The following ELOVL6 variants were observed in gnomAD, a reference collection of about 807,000 sequenced individuals.
The protein encoded by ELOVL6 is ELOVL fatty acid elongase 6.
Under a neutral mutation model 31.7 loss-of-function variants are expected in ELOVL6, and 8 were observed. That is an observed-to-expected ratio of 0.25 (90% CI 0.15 to 0.45). The LOEUF is 0.45. ELOVL6 is among the 20% of genes least tolerant of loss of function. The pLI is 1.00. For missense variants in ELOVL6, 126 were observed against 326.4 expected, an observed-to-expected ratio of 0.39 and a Z score of 4.73; for synonymous variants, 101 against 117.7, an observed-to-expected ratio of 0.86 and a Z score of 0.92.
intron 2 of ELOVL6, among the ~76,000 whole-genome samples, chr4:110,065,136 A>G (rs964800888): frequency 6.6e-6 from 1 of 152,248 alleles, no homozygotes; most frequent in Non-Finnish European, 1.5e-5. Flanking sequence ...AGTGGCACTG[A>G]AGAGCTGAAG....
At chr4:110,117,903 A>AAAAAAAAATATATATATATATATATAT in intron 1 of ELOVL6, 1 of 6,504 alleles carries the variant, frequency 1.5e-4, no homozygotes, top group African/African-American at 3.3e-4. Context: ...AAAAAAAAAA[A>AAAAAAAAATATATATATATATATATAT]ATATATATAT....
chr4:110,068,507 G>A (rs1755370609), intron 2 of ELOVL6, among the ~76,000 whole-genome samples: 1 of 152,150 alleles, frequency 6.6e-6, no homozygotes, highest in African/African-American at 2.4e-5. Context: ...AAACTTCATC[G>A]CAAACAGATG....
chr4:110,058,111 G>A (rs1445356029), intron 3 of ELOVL6, among the ~76,000 whole-genome samples: 1 of 151,970 alleles, frequency 6.6e-6, no homozygotes, highest in Non-Finnish European at 1.5e-5. Context: ...TACCTCCTGG[G>A]GCCTGGTTCA....
intron 2 of ELOVL6, among the ~76,000 whole-genome samples, chr4:110,083,594 T>A (rs867289666): frequency 7.3e-5 from 11 of 151,632 alleles, no homozygotes; most frequent in African/African-American, 2.7e-4. Context: ...TGTACAAGCA[T>A]TGGTAGGTTT....
intron 1 of ELOVL6, among the ~76,000 whole-genome samples, chr4:110,111,042 C>T (rs1757020454): frequency 6.6e-6 from 1 of 152,100 alleles, no homozygotes; most frequent in African/African-American, 2.4e-5. Context: ...TTGAAGTAGG[C>T]CATAAGCAAA....
intron 3 of ELOVL6, 119 bp downstream of exon 3, chr4:110,059,484 A>G: frequency 9.6e-7 from 1 of 1,040,912 alleles, no homozygotes. Context: ...AAATTCATTC[A>G]TTGTAACTTT....
chr4:110,094,445 T>TATATATATAAAAA (rs1756519913), intron 2 of ELOVL6, among the ~76,000 whole-genome samples: 4 of 47,382 alleles, frequency 8.4e-5, no homozygotes, highest in South Asian at 9.0e-4. Flanking sequence ...ATATATATAA[T>TATATATATAAAAA]ATATATAACA....
chr4:110,093,454 T>C (rs768222685), intron 2 of ELOVL6, among the ~76,000 whole-genome samples: 9 of 152,230 alleles, frequency 5.9e-5, no homozygotes, highest in Non-Finnish European at 1.0e-4. Flanking sequence ...AAGTCAACCA[T>C]AGTTCCTGTG....
At chr4:110,080,821 A>G (rs1379658542) in intron 2 of ELOVL6, among the ~76,000 whole-genome samples, 1 of 152,122 alleles carries the variant, frequency 6.6e-6, no homozygotes, top group South Asian at 2.1e-4. Flanking sequence ...TGCAGATGAC[A>G]TGATTGTATA....
chr4:110,141,641 G>A (rs1174755426), intron 1 of ELOVL6, among the ~76,000 whole-genome samples: 1 of 149,192 alleles, frequency 6.7e-6, no homozygotes, highest in African/African-American at 2.5e-5. Context: ...CATTAATATT[G>A]TATTGTATTG....
intron 1 of ELOVL6, among the ~76,000 whole-genome samples, chr4:110,118,313 C>A (rs890585638): frequency 2.0e-5 from 3 of 152,026 alleles, no homozygotes; most frequent in Non-Finnish European, 2.9e-5. Flanking sequence ...ACACCACCCC[C>A]CTAACTCCAC....
chr4:110,091,953 A>G (rs2126239988), intron 2 of ELOVL6, among the ~76,000 whole-genome samples: 1 of 152,342 alleles, frequency 6.6e-6, no homozygotes, highest in South Asian at 2.1e-4. Context: ...ATGATCTAGG[A>G]TAACAATGAA....
intron 2 of ELOVL6, among the ~76,000 whole-genome samples, chr4:110,080,102 GC>G (rs1268440418): frequency 7.1e-6 from 1 of 141,548 alleles, no homozygotes; most frequent in Non-Finnish European, 1.6e-5. Context: ...ATAATTAATA[GC>G]TTACCAACCA....
intron 3 of ELOVL6, among the ~76,000 whole-genome samples, chr4:110,056,038 T>C (rs916596667): frequency 6.6e-6 from 1 of 151,064 alleles, no homozygotes; most frequent in African/African-American, 2.4e-5. Context: ...GTTCTGGAAG[T>C]TGATGGAGTA....
intron 1 of ELOVL6, among the ~76,000 whole-genome samples, chr4:110,115,611 T>C (rs1757148629): frequency 6.6e-6 from 1 of 152,112 alleles, no homozygotes; most frequent in South Asian, 2.1e-4. Context: ...AATAATAATA[T>C]GGCAACATTT....
intron 1 of ELOVL6, among the ~76,000 whole-genome samples, chr4:110,170,778 T>C (rs936201931): frequency 3.3e-5 from 5 of 152,184 alleles, no homozygotes; most frequent in African/African-American, 1.2e-4. Flanking sequence ...ATCAACAATA[T>C]ATTAAATAAG....
intron 2 of ELOVL6, among the ~76,000 whole-genome samples, chr4:110,061,063 C>A (rs569316388): frequency 1.1e-3 from 171 of 152,300 alleles, no homozygotes; most frequent in African/African-American, 4.0e-3. Flanking sequence ...TATAAAGACT[C>A]CATCAAATGG....
At chr4:110,091,530 T>C (rs1756427386) in intron 2 of ELOVL6, among the ~76,000 whole-genome samples, 1 of 152,178 alleles carries the variant, frequency 6.6e-6, no homozygotes, top group Admixed American at 6.5e-5. Flanking sequence ...AAACTCCAAC[T>C]TAAAGCTGAA....
At chr4:110,166,455 T>C (rs1285536123) in intron 1 of ELOVL6, among the ~76,000 whole-genome samples, 1 of 151,884 alleles carries the variant, frequency 6.6e-6, no homozygotes, top group Non-Finnish European at 1.5e-5. Context: ...CTACTAAAAA[T>C]ATAAAAATTA....
Sources: gnomAD v4.1 joint callset for allele counts (sites outside exome capture counted in the v4.1 genomes callset) on GRCh38, gnomAD v4.1.1 for gene constraint, MANE v1.5 for transcripts, NCBI Gene and HGNC (gene_info 2026-07-23, HGNC 2026-07-21) for gene names.